Variants in MGMT observed in about 807,000 individuals in gnomAD.
The protein encoded by MGMT is O-6-methylguanine-DNA methyltransferase.
MGMT carries 14 observed loss-of-function variants against 15.9 expected under a neutral mutation model. The ratio of observed to expected loss-of-function variants is 0.88; its 90% CI spans 0.58 to 1.37. MGMT has a LOEUF of 1.37. MGMT is among the 40% of genes most tolerant of loss of function. MGMT has a pLI of 0.00. For missense variants in MGMT, 282 were observed against 268.1 expected, an observed-to-expected ratio of 1.05 and a Z score of -0.36; for synonymous variants, 130 against 118.2, an observed-to-expected ratio of 1.10 and a Z score of -0.65.
chr10:129,733,421 G>A (rs1282220923), intron 3 of MGMT, among the ~76,000 whole-genome samples: 1 of 151,188 alleles, frequency 6.6e-6, no homozygotes, highest in Admixed American at 6.6e-5. Flanking sequence ...TTTTTTTCTT[G>A]TAAATTTGTT....
At chr10:129,577,114 G>A (rs1489998871) in intron 2 of MGMT, among the ~76,000 whole-genome samples, 1 of 152,050 alleles carries the variant, frequency 6.6e-6, no homozygotes, top group East Asian at 1.9e-4. Flanking sequence ...TACTGCCCAA[G>A]GTAATTTATA....
intron 2 of MGMT, among the ~76,000 whole-genome samples, chr10:129,662,212 A>G (rs1234103813): frequency 1.3e-5 from 2 of 152,186 alleles, no homozygotes; most frequent in African/African-American, 4.8e-5. Flanking sequence ...GAAGTAGAGT[A>G]AGATCATGCC....
intron 2 of MGMT, among the ~76,000 whole-genome samples, chr10:129,599,270 C>A (rs1159146824): frequency 6.6e-6 from 1 of 152,182 alleles, no homozygotes; most frequent in Non-Finnish European, 1.5e-5. Context: ...CTGTTTATAC[C>A]TCCACTTGTT....
At chr10:129,726,878 G>A (rs1848440428) in intron 3 of MGMT, among the ~76,000 whole-genome samples, 1 of 152,160 alleles carries the variant, frequency 6.6e-6, no homozygotes, top group Non-Finnish European at 1.5e-5. Flanking sequence ...TATAGGTTTT[G>A]TTACTGTTTA....
At chr10:129,498,280 T>G (rs918593138) in intron 1 of MGMT, among the ~76,000 whole-genome samples, 1 of 152,244 alleles carries the variant, frequency 6.6e-6, no homozygotes, top group African/African-American at 2.4e-5. Flanking sequence ...CTCTTGGTAA[T>G]TGAAGTTTTC....
intron 2 of MGMT, among the ~76,000 whole-genome samples, chr10:129,573,206 A>G (rs1409675269): frequency 6.6e-6 from 1 of 152,172 alleles, no homozygotes; most frequent in Non-Finnish European, 1.5e-5. Context: ...CTTTTTGCAT[A>G]TTAAAGAAAG....
At chr10:129,745,112 A>G (rs1046682483) in intron 3 of MGMT, among the ~76,000 whole-genome samples, 1 of 152,184 alleles carries the variant, frequency 6.6e-6, no homozygotes, top group African/African-American at 2.4e-5. Flanking sequence ...TTTGCAGAAA[A>G]TGTGACCTAG....
intron 1 of MGMT, 44 bp downstream of exon 1, chr10:129,467,340 T>TCC (rs1845180025): frequency 6.6e-7 from 1 of 1,508,722 alleles, no homozygotes; most frequent in Non-Finnish European, 8.9e-7. Context: ...TGCGGAGCTC[T>TCC]CCCTCGGGAC....
intron 4 of MGMT, among the ~76,000 whole-genome samples, chr10:129,760,123 G>A (rs550617364): frequency 2.2e-4 from 33 of 152,210 alleles, no homozygotes; most frequent in Non-Finnish European, 2.8e-4. Flanking sequence ...TGGGGGCCAC[G>A]TGGGTGCCGT....
intron 3 of MGMT, among the ~76,000 whole-genome samples, chr10:129,757,048 C>T (rs1457051396): frequency 6.6e-6 from 1 of 152,220 alleles, no homozygotes; most frequent in African/African-American, 2.4e-5. Context: ...CATTCGTTCG[C>T]TGCAGGGTGA....
intron 4 of MGMT, among the ~76,000 whole-genome samples, chr10:129,764,099 C>T (rs532180344): frequency 6.6e-6 from 1 of 152,304 alleles, no homozygotes; most frequent in Admixed American, 6.5e-5. Flanking sequence ...CAACAGTCCA[C>T]GTCAAGGAGG....
intron 3 of MGMT, among the ~76,000 whole-genome samples, chr10:129,719,663 A>G (rs1200156786): frequency 6.6e-6 from 1 of 152,120 alleles, no homozygotes; most frequent in Non-Finnish European, 1.5e-5. Flanking sequence ...GTCAGATGGG[A>G]TTAGGGCTAC....
intron 2 of MGMT, among the ~76,000 whole-genome samples, chr10:129,675,860 G>A (rs112978401): frequency 0.012 from 1,882 of 152,292 alleles, 41 homozygotes; most frequent in African/African-American, 0.041. Flanking sequence ...TTTCCCTGTG[G>A]CAGCCACCAC....
intron 2 of MGMT, among the ~76,000 whole-genome samples, chr10:129,686,021 C>A (rs1847900757): frequency 6.6e-6 from 1 of 152,178 alleles, no homozygotes; most frequent in African/African-American, 2.4e-5. Context: ...GCTTAACCGC[C>A]ATCCTTCATC....
intron 1 of MGMT, among the ~76,000 whole-genome samples, chr10:129,511,589 C>T (rs1035417104): frequency 1.3e-5 from 2 of 152,222 alleles, no homozygotes; most frequent in African/African-American, 2.4e-5. Context: ...GTTAAGCCAG[C>T]ACCAAGGTTC....
intron 2 of MGMT, among the ~76,000 whole-genome samples, chr10:129,577,293 A>G (rs915038637): frequency 2.0e-5 from 3 of 151,420 alleles, no homozygotes; most frequent in African/African-American, 2.4e-5. Context: ...CTATACTACA[A>G]GGCTACAGTA....
intron 2 of MGMT, among the ~76,000 whole-genome samples, chr10:129,649,343 G>A (rs757328239): frequency 1.3e-4 from 20 of 152,092 alleles, no homozygotes; most frequent in Admixed American, 3.9e-4. Context: ...GTATCTTCCC[G>A]CGACGTGGTA....
At chr10:129,483,071 CT>C (rs1845374995) in intron 1 of MGMT, among the ~76,000 whole-genome samples, 1 of 152,118 alleles carries the variant, frequency 6.6e-6, no homozygotes, top group African/African-American at 2.4e-5. Context: ...AGCTATCTCT[CT>C]TCTTTTTTAG....
At chr10:129,656,308 C>T (rs1379179633) in intron 2 of MGMT, among the ~76,000 whole-genome samples, 1 of 152,196 alleles carries the variant, frequency 6.6e-6, no homozygotes, top group African/African-American at 2.4e-5. Flanking sequence ...ACTATCTGCC[C>T]AGTGAACATG....
Sources: allele counts gnomAD v4.1 joint callset (sites outside exome capture counted in the v4.1 genomes callset), GRCh38; gene constraint gnomAD v4.1.1; transcripts MANE v1.5; gene names NCBI Gene and HGNC (gene_info 2026-07-23, HGNC 2026-07-21).